Variants in SART3 observed in about 807,000 individuals in gnomAD.
The protein encoded by SART3 is spliceosome associated factor 3, U4/U6 recycling protein.
In SART3, 44 loss-of-function variants were observed where a neutral mutation model predicts 122.3. The observed-to-expected ratio is 0.36, with a 90% confidence interval of 0.28 to 0.46. The LOEUF (loss-of-function observed/expected upper bound fraction) is 0.46. Among genes scored for constraint, SART3 ranks in the 20% least tolerant of loss-of-function variants. The pLI is 1.00. For synonymous variants in SART3, 442 were observed against 454.0 expected, an observed-to-expected ratio of 0.97 and a Z score of 0.34; for missense variants, 1,101 against 1,229.0, an observed-to-expected ratio of 0.90 and a Z score of 1.56.
chr12:108,526,537 G>A lies in SART3; in HGVS notation c.1932C>T (p.Arg644=), dbSNP rs756688529. 27 of 1,613,832 alleles carry A rather than the reference G, an allele frequency of 1.7e-5. No individual in the cohort carries two copies. Among genetic ancestry groups the A allele is most frequent in the Non-Finnish European group, 2.2e-5 (26 of 1,180,046 alleles). The change falls in exon 16 of 19, where the codon CGC becomes CGT. Residue 644 remains arginine, a synonymous_variant. Transcript: ENST00000546815. ...CAGGGATGCTGTTCTCGACCCTTCT[G>A]CGTTTGGAAGGCTGCTCTACAGGTT... is the stretch of plus-strand genomic sequence containing the variant. ...GDDEEEQPSK[R]RRVENSIPAA...
intron 1 of SART3, among the ~76,000 whole-genome samples, chr12:108,552,748 C>T (rs1220141048): frequency 6.6e-6 from 1 of 152,084 alleles, no homozygotes; most frequent in East Asian, 1.9e-4. Context: ...TCAACATAGT[C>T]AAGAAGTAAA....
chr12:108,544,091 TGA>T (rs2136682829), intron 5 of SART3, among the ~76,000 whole-genome samples: 1 of 152,354 alleles, frequency 6.6e-6, no homozygotes, highest in African/African-American at 2.4e-5. Flanking sequence ...TCTTGTTCAA[TGA>T]AGTTTCCCCA....
rs375684866 is a variant in SART3 at position 108,523,569 on chromosome 12, G to C, written c.2780C>G (p.Ala927Gly). 65 of 1,613,988 alleles carry C rather than the reference G, an allele frequency of 4.0e-5. No homozygotes were observed. Among genetic ancestry groups the C allele is most frequent in the Non-Finnish European group, 5.3e-5 (62 of 1,180,002 alleles). Residue 927 changes from alanine (A) to glycine (G), a missense_variant, in exon 19 of 19, where the codon GCT becomes GGT. Around this residue, in one of 2 missense-constraint regions of SART3, gnomAD observed 885 missense variants for 1,080.1 expected, o/e 0.82. Coordinates refer to ENST00000546815, the MANE Select transcript of SART3 (RefSeq NM_014706.4). Reference sequence around the variant, plus strand: ...GGCAGGGCCGTTCTCAGCCTGAGGAGCTGCAGCACTTGGGCGCTGCAGGGC... The same window carrying C: ...GGCAGGGCCGTTCTCAGCCTGAGGACCTGCAGCACTTGGGCGCTGCAGGGC... Reference protein sequence around the residue: ...PRALQRPSAAAPQAENGPAAA... With the variant: ...PRALQRPSAAGPQAENGPAAA...
chr12:108,537,363 A>C (rs1872957500), intron 9 of SART3, 125 bp downstream of exon 9: 13 of 730,610 alleles, frequency 1.8e-5, no homozygotes, highest in Non-Finnish European at 9.8e-6. Context: ...CTGGGGGAAA[A>C]AGTCACCAAT....
intron 1 of SART3, among the ~76,000 whole-genome samples, chr12:108,559,153 T>C (rs2030362819): frequency 6.6e-6 from 1 of 150,956 alleles, no homozygotes. Flanking sequence ...ATGACATCAC[T>C]ATCTCATAAC....
chr12:108,552,686 A>G (rs1212752895), intron 1 of SART3, among the ~76,000 whole-genome samples: 1 of 152,176 alleles, frequency 6.6e-6, no homozygotes, highest in Non-Finnish European at 1.5e-5. Context: ...TGCTGAGGAA[A>G]GAAATCAAAG....
At chr12:108,545,893 G>A (rs1873388454) in intron 3 of SART3, among the ~76,000 whole-genome samples, 1 of 146,464 alleles carries the variant, frequency 6.8e-6, no homozygotes, top group Non-Finnish European at 1.5e-5. Flanking sequence ...TTGAACCTGG[G>A]TAGGGGGGAG....
intron 17 of SART3, 57 bp downstream of exon 17, chr12:108,525,400 C>A (rs976841785): frequency 1.4e-5 from 23 of 1,600,064 alleles, no homozygotes; most frequent in Non-Finnish European, 1.7e-5. Flanking sequence ...TGAACCGATA[C>A]AGAAACGAAG....
chr12:108,524,072 T>C (rs1593230305), intron 18 of SART3: 4 of 588,024 alleles, frequency 6.8e-6, no homozygotes, highest in East Asian at 2.9e-5. Context: ...CACTGCCTTA[T>C]TTCTGTCTGA....
chr12:108,550,296 G>A (rs1196023644), intron 1 of SART3, among the ~76,000 whole-genome samples: 1 of 152,142 alleles, frequency 6.6e-6, no homozygotes, highest in Non-Finnish European at 1.5e-5. Context: ...GAAAGAACAG[G>A]AAGAGCAGAA....
In SART3 at chr12:108,530,311, C is replaced by T; in HGVS notation, c.1747-1G>A. 6.2e-7 allele frequency: 1 copy of T among 1,613,864 alleles called. No individual in the cohort carries two copies. Among genetic ancestry groups the T allele is most frequent in the Non-Finnish European group, 8.5e-7 (1 of 1,180,032 alleles). ...CAAGGGCTGCTTCCTTCTCTGCAGC[C>T]TAGAAAAGTGGGAAGATGATGCATC... On this transcript the variant is annotated splice_acceptor_variant, in intron 14 of 18. Coordinates refer to ENST00000546815, the MANE Select transcript of SART3 (RefSeq NM_014706.4). LOFTEE classifies it high-confidence loss of function.
In SART3 at chr12:108,536,964, C is replaced by T. The variant is rs549098409; in HGVS notation, c.1310-179G>A. The T allele has an allele frequency of 1.2e-5, 8 of 646,748 alleles. No homozygotes were observed. In the East Asian group the frequency reaches 2.0e-4, roughly 16 times the overall value. The allele number at this position is 646,748 out of a possible 1,614,324, so 40.1% of individuals were successfully genotyped here. A position where few individuals can be genotyped will look rare whatever the true frequency, so the allele number is the denominator to read the frequency against. Reference sequence around the variant, plus strand: ...ATAGTTGGGGAGAAAGAAATTTGAACAGAATAGAGCATGGACAGCGTGGTG... The same window carrying T: ...ATAGTTGGGGAGAAAGAAATTTGAATAGAATAGAGCATGGACAGCGTGGTG... On this transcript the variant is annotated intron_variant, in intron 9 of 18. Transcript: ENST00000546815.
At chr12:108,539,203 T>C (rs965431447) in intron 6 of SART3, 114 bp from the exon 7 acceptor site, 1 of 1,058,414 alleles carries the variant, frequency 9.4e-7, no homozygotes, top group Non-Finnish European at 1.4e-6. Flanking sequence ...CGCCAAATCC[T>C]CACTCTCAGA....
At chr12:108,531,434 A>T in intron 13 of SART3, 154 bp from the exon 14 acceptor site, 1 of 657,530 alleles carries the variant, frequency 1.5e-6, no homozygotes. Flanking sequence ...TCAGAATTCA[A>T]ATAGTCCTTC....
intron 18 of SART3, chr12:108,523,918 T>C: frequency 1.7e-6 from 1 of 575,078 alleles, no homozygotes; most frequent in Non-Finnish European, 3.1e-6. Context: ...CACCTGGCAA[T>C]TCTGCTATCT....
chr12:108,550,381 A>T (rs1461293913), intron 1 of SART3, among the ~76,000 whole-genome samples: 2 of 152,202 alleles, frequency 1.3e-5, no homozygotes, highest in Non-Finnish European at 2.9e-5. Context: ...CAAACATTGT[A>T]AGAACTTCTG....
intron 1 of SART3, among the ~76,000 whole-genome samples, chr12:108,558,321 G>C (rs2030320195): frequency 6.6e-6 from 1 of 152,216 alleles, no homozygotes; most frequent in African/African-American, 2.4e-5. Flanking sequence ...AGGATGAGGT[G>C]GGTGGGAGGC....
At chr12:108,553,597 A>G (rs2030092527) in intron 1 of SART3, among the ~76,000 whole-genome samples, 1 of 152,100 alleles carries the variant, frequency 6.6e-6, no homozygotes, top group Admixed American at 6.5e-5. Context: ...TTCAAATTAC[A>G]CTCTACCATC....
chr12:108,549,811 T>C (rs1592772947), intron 1 of SART3, among the ~76,000 whole-genome samples: 1 of 151,396 alleles, frequency 6.6e-6, no homozygotes, highest in Non-Finnish European at 1.5e-5. Context: ...AGCTCAGGAG[T>C]TCGAGACCAG....
Sources: gnomAD v4.1 joint callset for allele counts (sites outside exome capture counted in the v4.1 genomes callset) on GRCh38, gnomAD v4.1.1 for gene constraint, gnomAD v4.1.1 regional missense constraint, MANE v1.5 for transcripts, NCBI Gene and HGNC (gene_info 2026-07-23, HGNC 2026-07-21) for gene names.